Variants in SNTG1 observed in about 807,000 individuals in gnomAD.
SNTG1 encodes syntrophin gamma 1.
In SNTG1, 39 loss-of-function variants were observed where a neutral mutation model predicts 74.7. That is an observed-to-expected ratio of 0.52 (90% CI 0.40 to 0.68). SNTG1 has a LOEUF of 0.68. SNTG1 is among the 30% of genes least tolerant of loss of function. The pLI is 0.00. For missense variants in SNTG1, 685 were observed against 609.5 expected, an observed-to-expected ratio of 1.12 and a Z score of -1.30; for synonymous variants, 254 against 217.1, an observed-to-expected ratio of 1.17 and a Z score of -1.49.
chr8:50,755,624 A>T (rs77739692), intron 18 of SNTG1, among the ~76,000 whole-genome samples: 2 of 151,990 alleles, frequency 1.3e-5, no homozygotes, highest in East Asian at 3.9e-4. Context: ...AATATCATGG[A>T]GTGTGATTGC....
In SNTG1 at chr8:50,560,375, C is replaced by A. The variant is rs569559149; in HGVS notation, c.810+7196C>A. On this transcript the variant is annotated intron_variant, in intron 12 of 18. Coordinates refer to ENST00000642720, the MANE Select transcript of SNTG1 (RefSeq NM_018967.5). Reference sequence around the variant, plus strand: ...CAGCAATCCCATTACTGGGTATGAACCCAAAGGAATATAAATCATTCTATT... The same window carrying A: ...CAGCAATCCCATTACTGGGTATGAAACCAAAGGAATATAAATCATTCTATT... 9.2e-5 allele frequency among the ~76,000 whole-genome samples: 14 copies of A among 152,266 alleles called. 1 individual carries two copies. In the South Asian group the frequency reaches 2.7e-3, roughly 29 times the overall value.
At chr8:50,507,216 G>A (rs953154665) in intron 9 of SNTG1, among the ~76,000 whole-genome samples, 5 of 151,790 alleles carry the variant, frequency 3.3e-5, no homozygotes, top group African/African-American at 1.2e-4. Flanking sequence ...TAAATTTGTA[G>A]TTGAATTCAG....
At chr8:50,325,970 G>C (rs1355456260) in intron 2 of SNTG1, among the ~76,000 whole-genome samples, 1 of 151,456 alleles carries the variant, frequency 6.6e-6, no homozygotes, top group Non-Finnish European at 1.5e-5. Flanking sequence ...ACTTTTTTTT[G>C]TGTACACATA....
chr8:50,693,092 G>A (rs2095389284), intron 15 of SNTG1, among the ~76,000 whole-genome samples: 1 of 152,144 alleles, frequency 6.6e-6, no homozygotes, highest in Admixed American at 6.5e-5. Flanking sequence ...CTTTTTTTAA[G>A]CCCATTGGAA....
intron 1 of SNTG1, among the ~76,000 whole-genome samples, chr8:49,969,176 A>G (rs952744113): frequency 1.3e-5 from 2 of 152,010 alleles, no homozygotes; most frequent in African/African-American, 4.8e-5. Context: ...TTTCTTTTTA[A>G]TAACGTGGTG....
chr8:50,517,509 A>C (rs1355662716), intron 9 of SNTG1, among the ~76,000 whole-genome samples: 2 of 151,694 alleles, frequency 1.3e-5, no homozygotes, highest in African/African-American at 2.4e-5. Flanking sequence ...TTGGATAAAG[A>C]GTCAAGAACC....
intron 2 of SNTG1, among the ~76,000 whole-genome samples, chr8:50,235,557 G>C (rs1175515851): frequency 6.6e-6 from 1 of 152,158 alleles, no homozygotes; most frequent in Non-Finnish European, 1.5e-5. Context: ...CTGTGAGTGA[G>C]TGGAAATCAA....
intron 17 of SNTG1, among the ~76,000 whole-genome samples, chr8:50,735,332 A>C (rs570335850): frequency 6.6e-6 from 1 of 151,856 alleles, no homozygotes; most frequent in African/African-American, 2.4e-5. Context: ...TCCAATCTAA[A>C]GGAGCATGTT....
At chr8:50,043,979 T>C (rs1381252723) in intron 1 of SNTG1, among the ~76,000 whole-genome samples, 1 of 152,134 alleles carries the variant, frequency 6.6e-6, no homozygotes, top group Non-Finnish European at 1.5e-5. Context: ...GAAAAATAAA[T>C]CATCTATGAT....
chr8:50,340,356 G>A (rs980385426), intron 2 of SNTG1, among the ~76,000 whole-genome samples: 2 of 151,944 alleles, frequency 1.3e-5, no homozygotes, highest in Non-Finnish European at 2.9e-5. Flanking sequence ...AAACAGTGTG[G>A]TGTTAGCAAA....
intron 2 of SNTG1, among the ~76,000 whole-genome samples, chr8:50,347,159 AG>A (rs1472025465): frequency 6.6e-6 from 1 of 152,244 alleles, no homozygotes; most frequent in Non-Finnish European, 1.5e-5. Flanking sequence ...AAGCTTCAAA[AG>A]ACACAGGCTG....
At chr8:50,037,253 T>G (rs1016775781) in intron 1 of SNTG1, among the ~76,000 whole-genome samples, 1 of 152,164 alleles carries the variant, frequency 6.6e-6, no homozygotes, top group Non-Finnish European at 1.5e-5. Flanking sequence ...ATCTTAAAGG[T>G]TTTTTGCTGA....
chr8:49,983,343 G>T (rs1812852404), intron 1 of SNTG1, among the ~76,000 whole-genome samples: 1 of 152,072 alleles, frequency 6.6e-6, no homozygotes, highest in African/African-American at 2.4e-5. Flanking sequence ...CAAAATTCAG[G>T]TAACATCTTT....
intron 1 of SNTG1, among the ~76,000 whole-genome samples, chr8:49,982,171 G>T (rs1267010646): frequency 5.9e-5 from 9 of 152,058 alleles, no homozygotes; most frequent in Non-Finnish European, 2.9e-5. Context: ...GTACATCTAT[G>T]CCCTGGAGAA....
intron 11 of SNTG1, among the ~76,000 whole-genome samples, chr8:50,542,403 C>T (rs1011488535): frequency 3.3e-5 from 5 of 151,826 alleles, no homozygotes; most frequent in Admixed American, 6.6e-5. Flanking sequence ...GTGATCCACC[C>T]GCCTCGGCCT....
At chr8:50,582,908 T>C (rs1034064398) in intron 12 of SNTG1, among the ~76,000 whole-genome samples, 2 of 152,142 alleles carry the variant, frequency 1.3e-5, no homozygotes, top group African/African-American at 4.8e-5. Context: ...GAGCCTATAG[T>C]TTTCTAGAAA....
chr8:50,536,769 C>T lies in SNTG1; in HGVS notation c.641C>T (p.Ser214Leu), dbSNP rs2130403223. The T allele has an allele frequency of 1.2e-6, 2 of 1,614,002 alleles. No homozygotes were observed. The highest frequency in any genetic ancestry group is 2.2e-5 in the East Asian group (1 of 44,874). The part of the protein sequence containing the change: ...CDLRLIPLLH[S>L]RFSQYVPGTD... The stretch of plus-strand genomic sequence containing the variant: ...CTCAGACTGATCCCTCTACTTCATT[C>T]GCGCTTCTCTCAGTATGTGCCCGGC... Residue 214 changes from serine to leucine, a missense_variant, in exon 11 of 19, where the codon TCG (serine) becomes TTG (leucine). Transcript: ENST00000642720.
At chr8:50,724,420 C>T (rs964031971) in intron 17 of SNTG1, among the ~76,000 whole-genome samples, 1 of 152,046 alleles carries the variant, frequency 6.6e-6, no homozygotes, top group East Asian at 1.9e-4. Flanking sequence ...CAATTTGCTG[C>T]CCAAGATGTG....
intron 2 of SNTG1, among the ~76,000 whole-genome samples, chr8:50,301,974 A>T (rs1302299900): frequency 6.6e-6 from 1 of 151,906 alleles, no homozygotes; most frequent in Non-Finnish European, 1.5e-5. Flanking sequence ...CTCCTGCCTC[A>T]GCCTCCTAAA....
Sources: allele counts gnomAD v4.1 joint callset (sites outside exome capture counted in the v4.1 genomes callset), GRCh38; gene constraint gnomAD v4.1.1; transcripts MANE v1.5; gene names NCBI Gene and HGNC (gene_info 2026-07-23, HGNC 2026-07-21).